The following DCAF5 variants were observed in gnomAD, a reference collection of about 807,000 sequenced individuals.
DCAF5 encodes the protein DDB1- and CUL4-associated factor 5.
A neutral mutation model predicts 80.7 loss-of-function variants in DCAF5; 9 were observed. The ratio of observed to expected loss-of-function variants is 0.11; its 90% CI spans 0.07 to 0.19. DCAF5 has a LOEUF of 0.19. Ranked by LOEUF, DCAF5 falls within the 10% of genes least tolerant of loss-of-function variation. DCAF5 has a pLI of 1.00. For missense variants in DCAF5, 842 were observed against 1,205.7 expected, an observed-to-expected ratio of 0.70 and a Z score of 4.47; for synonymous variants, 433 against 461.9, an observed-to-expected ratio of 0.94 and a Z score of 0.80.
chr14:69,085,334 A>G (rs1232966906), intron 6 of DCAF5: 2 of 693,488 alleles, frequency 2.9e-6, no homozygotes, highest in African/African-American at 1.8e-5. Context: ...GAGAAGTCCA[A>G]AATCTTTAAA....
At chr14:69,129,191 A>G (rs2040965316) in intron 1 of DCAF5, among the ~76,000 whole-genome samples, 1 of 152,182 alleles carries the variant, frequency 6.6e-6, no homozygotes, top group African/African-American at 2.4e-5. Context: ...TGATGATGAC[A>G]GCCCAATCCA....
chr14:69,093,970 C>G (rs1483668610), intron 5 of DCAF5, among the ~76,000 whole-genome samples: 1 of 152,170 alleles, frequency 6.6e-6, no homozygotes, highest in Non-Finnish European at 1.5e-5. Context: ...TGTTAGAGAC[C>G]AGGCATTTCC....
At chr14:69,068,250 T>C (rs1223096911) in intron 7 of DCAF5, among the ~76,000 whole-genome samples, 2 of 152,234 alleles carry the variant, frequency 1.3e-5, no homozygotes, top group Admixed American at 6.5e-5. Flanking sequence ...TGATGTCTTA[T>C]CTAAGGATAC....
At chr14:69,084,531 A>G in intron 6 of DCAF5, 1 of 757,450 alleles carries the variant, frequency 1.3e-6, no homozygotes, top group South Asian at 1.5e-5. Context: ...GAGCCATTGT[A>G]TGTTGGTGTT....
At chr14:69,105,943 A>ATATATATATATATATATC (rs1223858774) in intron 5 of DCAF5, among the ~76,000 whole-genome samples, 5 of 74,188 alleles carry the variant, frequency 6.7e-5, no homozygotes, top group East Asian at 2.8e-4. Context: ...ATATATATAT[A>ATATATATATATATATATC]TATCTCCTAT....
At chr14:69,083,755 A>G (rs1352161595) in intron 6 of DCAF5, 1 of 673,034 alleles carries the variant, frequency 1.5e-6, no homozygotes, top group Non-Finnish European at 2.7e-6. Flanking sequence ...TGAGTCTGAT[A>G]CAAAAAAAGC....
chr14:69,115,454 G>A (rs978786885), intron 5 of DCAF5, among the ~76,000 whole-genome samples: 1 of 152,210 alleles, frequency 6.6e-6, no homozygotes, highest in African/African-American at 2.4e-5. Context: ...TGAGGCCCGT[G>A]AAATAAATTA....
At chr14:69,133,834 A>G (rs980952832) in intron 1 of DCAF5, among the ~76,000 whole-genome samples, 3 of 152,222 alleles carry the variant, frequency 2.0e-5, no homozygotes, top group Non-Finnish European at 4.4e-5. Flanking sequence ...AACACTTTAC[A>G]TTAAATAGGA....
intron 8 of DCAF5, among the ~76,000 whole-genome samples, chr14:69,061,911 T>G (rs2038229586): frequency 6.6e-6 from 1 of 152,142 alleles, no homozygotes; most frequent in Non-Finnish European, 1.5e-5. Flanking sequence ...TCCAGCTACT[T>G]TGGGGGGCTC....
intron 6 of DCAF5, among the ~76,000 whole-genome samples, chr14:69,075,909 A>C (rs2038881139): frequency 6.6e-6 from 1 of 152,234 alleles, no homozygotes; most frequent in Admixed American, 6.5e-5. Context: ...GCAAATCAAA[A>C]GGCATGTTAG....
chr14:69,053,820 G>A lies in DCAF5; in HGVS notation c.*37C>T. 1.3e-6 allele frequency: 2 copies of A among 1,537,560 alleles called. No individual in the cohort carries two copies. The highest frequency in any genetic ancestry group is 8.7e-7 in the Non-Finnish European group (1 of 1,151,814). ...TAAACAATTTTTTTTTTTTTGTAAG[G>A]CTACTTTTGTAGCTTTTTGTTTTCC... On this transcript the variant is annotated 3_prime_UTR_variant, in exon 9 of 9. Transcript: ENST00000341516.
At chr14:69,145,479 T>G (rs961893142) in intron 1 of DCAF5, among the ~76,000 whole-genome samples, 5 of 152,086 alleles carry the variant, frequency 3.3e-5, no homozygotes, top group Non-Finnish European at 7.4e-5. Context: ...ATCCAAACTT[T>G]GGCAAATGGT....
intron 5 of DCAF5, among the ~76,000 whole-genome samples, chr14:69,095,578 T>C (rs1306499832): frequency 1.3e-5 from 2 of 152,122 alleles, no homozygotes; most frequent in Admixed American, 6.5e-5. Context: ...AACCACTCAA[T>C]TGGACTTCTT....
chr14:69,145,398 A>C (rs1196251562), intron 1 of DCAF5, among the ~76,000 whole-genome samples: 1 of 152,198 alleles, frequency 6.6e-6, no homozygotes, highest in Non-Finnish European at 1.5e-5. Flanking sequence ...AATTTTTCTA[A>C]TGTGTCTAAA....
At chr14:69,146,333 A>G (rs2041536581) in intron 1 of DCAF5, among the ~76,000 whole-genome samples, 1 of 152,258 alleles carries the variant, frequency 6.6e-6, no homozygotes, top group African/African-American at 2.4e-5. Flanking sequence ...TAGAAGTGAC[A>G]AACCCAGGCA....
intron 1 of DCAF5, among the ~76,000 whole-genome samples, chr14:69,140,617 C>T (rs1360570766): frequency 2.0e-5 from 3 of 152,002 alleles, no homozygotes; most frequent in African/African-American, 7.3e-5. Flanking sequence ...AGAACAACAA[C>T]CCATAGGAAG....
intron 6 of DCAF5, chr14:69,084,040 C>T: frequency 1.3e-6 from 1 of 779,910 alleles, no homozygotes; most frequent in Non-Finnish European, 2.4e-6. Flanking sequence ...GATCTTCTTG[C>T]AGCTACAAAA....
chr14:69,052,399 A>G lies in DCAF5; in HGVS notation c.*1458T>C, dbSNP rs2037791286. ...CTACACCAATCCCAGCTGGGCTCCTAGTTGTCTAGCACCTTTGCACTCAAG... is the reference window on the plus strand; with the variant it reads ...CTACACCAATCCCAGCTGGGCTCCTGGTTGTCTAGCACCTTTGCACTCAAG... On this transcript the variant is annotated 3_prime_UTR_variant, in exon 9 of 9. Coordinates refer to ENST00000341516, the MANE Select transcript of DCAF5 (RefSeq NM_003861.3). The G allele has an allele frequency of 6.5e-6, 1 of 152,690 alleles. No individual in the cohort carries two copies. The highest frequency in any genetic ancestry group is 1.5e-5 in the Non-Finnish European group (1 of 68,068). The allele number at this position is 152,690 out of a possible 1,614,324, so 9.5% of individuals were successfully genotyped here. A position where few individuals can be genotyped will look rare whatever the true frequency, so the allele number is the denominator to read the frequency against.
At chr14:69,106,378 T>C (rs2331919) in intron 5 of DCAF5, among the ~76,000 whole-genome samples, 1 of 151,308 alleles carries the variant, frequency 6.6e-6, no homozygotes, top group Non-Finnish European at 1.5e-5. Flanking sequence ...AAATTTTTAT[T>C]TATTTTTAGT....
Sources: gnomAD v4.1 joint callset for allele counts (sites outside exome capture counted in the v4.1 genomes callset) on GRCh38, gnomAD v4.1.1 for gene constraint, MANE v1.5 for transcripts, NCBI Gene and HGNC (gene_info 2026-07-23, HGNC 2026-07-21) for gene names.